OTOGL: variants seen among roughly 807,000 people sequenced by gnomAD.
The protein encoded by OTOGL is otogelin like, also known as otogelin-like protein.
A neutral mutation model predicts 318.5 loss-of-function variants in OTOGL; 285 were observed. That is an observed-to-expected ratio of 0.89 (90% CI 0.81 to 0.99). The LOEUF (loss-of-function observed/expected upper bound fraction) is 0.99. OTOGL is among the 50% of genes least tolerant of loss of function. The probability of loss-of-function intolerance (pLI) is 0.00; values close to 1 mark genes in which losing one functional copy is unlikely to be tolerated. For missense variants in OTOGL, 2,899 were observed against 2,845.6 expected, an observed-to-expected ratio of 1.02 and a Z score of -0.43; for synonymous variants, 987 against 936.5, an observed-to-expected ratio of 1.05 and a Z score of -0.99.
chr12:80,232,211 T>C (rs1879429815), intron 8 of OTOGL, among the ~76,000 whole-genome samples: 1 of 152,186 alleles, frequency 6.6e-6, no homozygotes, highest in Non-Finnish European at 1.5e-5. Flanking sequence ...CCAAAAGGTA[T>C]CCAATTTAAA....
intron 1 of OTOGL, among the ~76,000 whole-genome samples, chr12:80,128,661 G>A (rs1402157146): frequency 6.6e-6 from 1 of 152,182 alleles, no homozygotes; most frequent in Non-Finnish European, 1.5e-5. Context: ...AGGCAGGCAG[G>A]CCTCCATGAG....
At chr12:80,364,814 A>G (rs765715992) in intron 52 of OTOGL, among the ~76,000 whole-genome samples, 22 of 152,236 alleles carry the variant, frequency 1.4e-4, no homozygotes, top group South Asian at 6.2e-4. Context: ...AAATGTCAAC[A>G]TTTGGATATT....
chr12:80,315,383 G>T (rs1886903081), intron 32 of OTOGL, among the ~76,000 whole-genome samples: 1 of 152,152 alleles, frequency 6.6e-6, no homozygotes, highest in South Asian at 2.1e-4. Context: ...AATCTGAGAG[G>T]TGCTGCTGTC....
chr12:80,332,836 C>T lies in OTOGL; in HGVS notation c.4349-169C>T, dbSNP rs1888159901. Among the ~76,000 whole-genome samples the T allele has an allele frequency of 2.0e-5, 3 of 152,258 alleles. No individual in the cohort carries two copies. The South Asian group carries it at 6.2e-4, about 32-fold the overall frequency. On this transcript the variant is annotated intron_variant, in intron 37 of 58. Coordinates refer to ENST00000547103, the MANE Select transcript of OTOGL (RefSeq NM_001378609.3). The stretch of plus-strand genomic sequence containing the variant: ...CCTTACTTCTCTACAGCTTAGTTTC[C>T]TCATCTTCTGTAAAATGTCGATACT...
chr12:80,106,947 C>A (rs1869490821), intron 1 of OTOGL, among the ~76,000 whole-genome samples: 1 of 151,204 alleles, frequency 6.6e-6, no homozygotes, highest in Non-Finnish European at 1.5e-5. Flanking sequence ...TAATGAATTA[C>A]CAATTTGACA....
intron 42 of OTOGL, among the ~76,000 whole-genome samples, chr12:80,337,911 T>C (rs1353631706): frequency 1.3e-5 from 2 of 152,020 alleles, no homozygotes; most frequent in African/African-American, 4.8e-5. Context: ...TTCGATGAGG[T>C]TGATATACTT....
chr12:80,204,045 G>A (rs1005730671), intron 1 of OTOGL, among the ~76,000 whole-genome samples: 1 of 152,150 alleles, frequency 6.6e-6, no homozygotes, highest in African/African-American at 2.4e-5. Flanking sequence ...GCTTTTGGGA[G>A]ATAATGATAA....
chr12:80,306,381 G>A lies in OTOGL; in HGVS notation c.3333+686G>A, dbSNP rs979318333. ...AAAAATGCTGAACTCAGAAAACAGA[G>A]TCAAATTGGAAATTGGTTCTATTCT... On this transcript the variant is annotated intron_variant, in intron 29 of 58. Transcript: ENST00000547103. Among the ~76,000 whole-genome samples, 33 of 152,286 alleles carry A rather than the reference G, an allele frequency of 2.2e-4. 1 individual carries two copies. The highest frequency in any genetic ancestry group is 4.0e-4 in the Non-Finnish European group (27 of 68,028).
At chr12:80,219,951 C>A in intron 6 of OTOGL, 39 bp downstream of exon 6, 1 of 1,406,278 alleles carries the variant, frequency 7.1e-7, no homozygotes, top group Non-Finnish European at 9.8e-7. Context: ...TTATGAGATA[C>A]CAAGGAGAAA....
At chr12:80,252,940 T>C (rs118076570) in intron 13 of OTOGL, among the ~76,000 whole-genome samples, 53 of 152,312 alleles carry the variant, frequency 3.5e-4, no homozygotes, top group Non-Finnish European at 6.0e-4. Context: ...CCTACAGTCT[T>C]ACCATGAAAA....
At chr12:80,178,324 G>A (rs866567843) in intron 1 of OTOGL, among the ~76,000 whole-genome samples, 3 of 152,034 alleles carry the variant, frequency 2.0e-5, no homozygotes, top group African/African-American at 7.2e-5. Flanking sequence ...ACCTCCCAAA[G>A]TGCTGGGATT....
At chr12:80,126,556 C>T (rs1232329825) in intron 1 of OTOGL, among the ~76,000 whole-genome samples, 1 of 152,230 alleles carries the variant, frequency 6.6e-6, no homozygotes, top group African/African-American at 2.4e-5. Flanking sequence ...TCTATTGGGT[C>T]CGCTTGGTGC....
chr12:80,167,957 G>T (rs1873933643), intron 1 of OTOGL, among the ~76,000 whole-genome samples: 1 of 147,156 alleles, frequency 6.8e-6, no homozygotes, highest in Non-Finnish European at 1.5e-5. Flanking sequence ...TCCTCTCCTT[G>T]CCTCTCCTCT....
chr12:80,179,216 T>C (rs1380059384), intron 1 of OTOGL, among the ~76,000 whole-genome samples: 1 of 152,122 alleles, frequency 6.6e-6, no homozygotes, highest in Non-Finnish European at 1.5e-5. Flanking sequence ...TGCTCACATG[T>C]GGGACAGGAG....
chr12:80,154,379 C>T (rs1459140372), intron 1 of OTOGL, among the ~76,000 whole-genome samples: 2 of 152,138 alleles, frequency 1.3e-5, no homozygotes, highest in African/African-American at 4.8e-5. Context: ...AAAACTTAAG[C>T]TCAACTAATC....
chr12:80,305,540 A>C, intron 28 of OTOGL, 36 bp from the exon 29 acceptor site: 1 of 1,431,818 alleles, frequency 7.0e-7, no homozygotes, highest in Non-Finnish European at 9.1e-7. Context: ...TTAAAGTGAA[A>C]ACAGAATATT....
intron 8 of OTOGL, among the ~76,000 whole-genome samples, chr12:80,232,013 A>G (rs1269706133): frequency 6.6e-6 from 1 of 152,102 alleles, no homozygotes; most frequent in Non-Finnish European, 1.5e-5. Context: ...GGCAGTACTG[A>G]TGGATGAAAG....
intron 30 of OTOGL, 63 bp from the exon 31 acceptor site, chr12:80,313,413 G>T: frequency 6.9e-7 from 1 of 1,455,314 alleles, no homozygotes; most frequent in Non-Finnish European, 9.5e-7. Flanking sequence ...TTTTTTAGAC[G>T]GTTGACTTTA....
At chr12:80,149,461 C>G (rs1872628238) in intron 1 of OTOGL, among the ~76,000 whole-genome samples, 1 of 152,184 alleles carries the variant, frequency 6.6e-6, no homozygotes, top group South Asian at 2.1e-4. Flanking sequence ...AGAACCACTG[C>G]TCTCTTCAAA....
Sources: gnomAD v4.1 joint callset for allele counts (sites outside exome capture counted in the v4.1 genomes callset) on GRCh38, gnomAD v4.1.1 for gene constraint, MANE v1.5 for transcripts, NCBI Gene and HGNC (gene_info 2026-07-23, HGNC 2026-07-21) for gene names.